CHD1L: variants seen among roughly 807,000 people sequenced by gnomAD.
CHD1L encodes the protein ATP-dependent chromatin remodeler CHD1L.
In CHD1L, 118 loss-of-function variants were observed where a neutral mutation model predicts 115.9. That is an observed-to-expected ratio of 1.02 (90% CI 0.88 to 1.19). CHD1L has a LOEUF of 1.19. Ranked by LOEUF, CHD1L falls within the 50% of genes most tolerant of loss-of-function variation. CHD1L has a pLI of 0.00. For synonymous variants in CHD1L, 411 were observed against 387.1 expected, an observed-to-expected ratio of 1.06 and a Z score of -0.72; for missense variants, 1,179 against 1,065.3, an observed-to-expected ratio of 1.11 and a Z score of -1.49.
the CHD1L span, chr1:147,201,234 T>C: frequency 3.1e-6 from 5 of 1,614,070 alleles, no homozygotes; most frequent in African/African-American, 5.3e-5. Flanking sequence ...AGCCTATGAT[T>C]GCAAGAGTTG....
the CHD1L span, among the ~76,000 whole-genome samples, chr1:147,220,223 C>A: frequency 6.6e-6 from 1 of 151,984 alleles, no homozygotes; most frequent in Non-Finnish European, 1.5e-5. Flanking sequence ...AAATTACATA[C>A]GTAGGTATAA....
the CHD1L span, among the ~76,000 whole-genome samples, chr1:147,228,561 T>G: frequency 6.6e-6 from 1 of 152,332 alleles, no homozygotes; most frequent in Non-Finnish European, 1.5e-5. Flanking sequence ...TATTTCTAGT[T>G]CTAGATCCCT....
At chr1:147,231,824 T>C in the CHD1L span, among the ~76,000 whole-genome samples, 1 of 152,172 alleles carries the variant, frequency 6.6e-6, no homozygotes, top group African/African-American at 2.4e-5. Flanking sequence ...CCAGGTGCTG[T>C]CTGTCGCCCC....
intron 12 of CHD1L, among the ~76,000 whole-genome samples, chr1:147,272,765 C>A (rs150125008): frequency 1.3e-3 from 191 of 152,252 alleles, no homozygotes; most frequent in African/African-American, 4.3e-3. Flanking sequence ...TTTATGACAT[C>A]ATCCATATAT....
chr1:147,204,410 T>G, the CHD1L span: 3 of 1,140,444 alleles, frequency 2.6e-6, no homozygotes, highest in South Asian at 3.7e-5. Context: ...AATACTTCAT[T>G]ACCATATTGT....
At chr1:147,182,672 G>A in the CHD1L span, among the ~76,000 whole-genome samples, 4 of 152,128 alleles carry the variant, frequency 2.6e-5, no homozygotes, top group East Asian at 1.9e-4. Context: ...ATGAAGGGGA[G>A]TCAACAATTC....
chr1:147,229,491 G>C, the CHD1L span, among the ~76,000 whole-genome samples: 1 of 152,142 alleles, frequency 6.6e-6, no homozygotes, highest in Non-Finnish European at 1.5e-5. Flanking sequence ...TGGCGATGCG[G>C]GCTCTTTTTT....
At chr1:147,220,857 A>C in the CHD1L span, among the ~76,000 whole-genome samples, 1 of 152,224 alleles carries the variant, frequency 6.6e-6, no homozygotes, top group Admixed American at 6.5e-5. Context: ...AAAGTGGAAC[A>C]AACTTACACT....
At chr1:147,241,376 C>T (rs1346624201), upstream of CHD1L, among the ~76,000 whole-genome samples, 1 of 152,142 alleles carries the variant, frequency 6.6e-6, no homozygotes, top group Non-Finnish European at 1.5e-5. Flanking sequence ...CAAAAAGCTC[C>T]CCTACCGAGC....
the CHD1L span, among the ~76,000 whole-genome samples, chr1:147,214,459 C>CAAAA: frequency 6.7e-6 from 1 of 149,166 alleles, no homozygotes; most frequent in South Asian, 2.1e-4. Flanking sequence ...TGAAAAAAAA[C>CAAAA]AAAAAACAAA....
upstream of CHD1L, among the ~76,000 whole-genome samples, chr1:147,239,132 A>G (rs1664685086): frequency 6.6e-6 from 1 of 152,160 alleles, no homozygotes; most frequent in Admixed American, 6.5e-5. Flanking sequence ...CTTTCTGGTA[A>G]TCATTTATCC....
rs868965234 is a variant in CHD1L, at chr1:147,264,515, CT to C, written c.671del (p.Leu224ProfsTer36). 3.6e-5 allele frequency: 58 copies of C among 1,614,028 alleles called. No individual in the cohort carries two copies. The highest frequency in any genetic ancestry group is 4.9e-5 in the Non-Finnish European group (58 of 1,180,000). The stretch of plus-strand genomic sequence containing the variant: ...CCTCCTCAGTTTTGTGGAGCCTGAT[CT>C]CTTTTCCAAGGAAGAGGTGGGAGAT... Reference protein sequence around the residue: ...YSLLSFVEPDLFSKEEVGDFI... With the variant: ...YSLLSFVEPDXFSKEEVGDFI... On this transcript the variant is annotated frameshift_variant, in exon 7 of 23. Coordinates refer to ENST00000369258, the MANE Select transcript of CHD1L (RefSeq NM_004284.6). LOFTEE classifies it high-confidence loss of function.
the CHD1L span, chr1:147,203,690 G>A: frequency 1.3e-6 from 2 of 1,488,436 alleles, no homozygotes; most frequent in Non-Finnish European, 1.9e-6. Flanking sequence ...TTCAATTTCT[G>A]TTGCTCCACC....
At chr1:147,236,753 T>C in the CHD1L span, among the ~76,000 whole-genome samples, 2 of 152,298 alleles carry the variant, frequency 1.3e-5, no homozygotes, top group South Asian at 2.1e-4. Flanking sequence ...TCTCTGCGGC[T>C]GGTTATCCCA....
intron 15 of CHD1L, among the ~76,000 whole-genome samples, chr1:147,284,050 G>GGGAATAAATGAATGA (rs1553963542): frequency 6.6e-6 from 1 of 152,156 alleles, no homozygotes; most frequent in Non-Finnish European, 1.5e-5. Flanking sequence ...AGGGATAGTT[G>GGGAATAAATGAATGA]GGAATAAATG....
the CHD1L span, chr1:147,212,610 T>C: frequency 2.2e-6 from 3 of 1,389,604 alleles, no homozygotes; most frequent in Non-Finnish European, 3.0e-6. Context: ...ATTTGTTTTT[T>C]TTGCAGACTT....
upstream of CHD1L, among the ~76,000 whole-genome samples, chr1:147,242,154 G>A (rs920383791): frequency 6.6e-6 from 1 of 152,092 alleles, no homozygotes; most frequent in Non-Finnish European, 1.5e-5. Flanking sequence ...CCACAATGAC[G>A]TCTTTGGTGA....
the CHD1L span, chr1:147,178,102 C>G: frequency 5.1e-5 from 79 of 1,548,310 alleles, no homozygotes; most frequent in Non-Finnish European, 6.2e-5. Context: ...GCCCCCACCC[C>G]ACCTCGCCGC....
chr1:147,294,780 A>G (rs1296286484), intron 22 of CHD1L, among the ~76,000 whole-genome samples: 4 of 152,218 alleles, frequency 2.6e-5, no homozygotes, highest in South Asian at 2.1e-4. Flanking sequence ...TAATTGAGCA[A>G]TTGTTAATTT....
Sources: allele counts gnomAD v4.1 joint callset (sites outside exome capture counted in the v4.1 genomes callset), GRCh38; gene constraint gnomAD v4.1.1; transcripts MANE v1.5; gene names NCBI Gene and HGNC (gene_info 2026-07-23, HGNC 2026-07-21).